Variants in KALRN observed in about 807,000 individuals in gnomAD.
KALRN encodes the protein kalirin.
In KALRN, 70 loss-of-function variants were observed where a neutral mutation model predicts 353.7. The observed-to-expected ratio is 0.20, with a 90% CI of 0.16 to 0.24. The LOEUF (loss-of-function observed/expected upper bound fraction) is 0.24, where lower values mean the gene tolerates loss of function less well. KALRN is among the 10% of genes least tolerant of loss of function. The probability of loss-of-function intolerance (pLI) is 1.00; values close to 1 mark genes in which losing one functional copy is unlikely to be tolerated. For missense variants in KALRN, 2,791 were observed against 3,756.7 expected (o/e 0.74, Z 6.72); for synonymous variants, 1,391 against 1,434.8 (o/e 0.97, Z 0.69).
At chr3:124,552,972 A>G (rs1245255651) in intron 33 of KALRN, among the ~76,000 whole-genome samples, 2 of 151,872 alleles carry the variant, frequency 1.3e-5, no homozygotes, top group African/African-American at 4.8e-5. Flanking sequence ...CACCATGTTG[A>G]CCAGGCTGGT....
At chr3:124,463,009 T>C (rs969146918) in intron 25 of KALRN, among the ~76,000 whole-genome samples, 2 of 152,232 alleles carry the variant, frequency 1.3e-5, no homozygotes, top group Non-Finnish European at 2.9e-5. Flanking sequence ...TTGAATTCCA[T>C]TGAAGTTTTC....
In KALRN at chr3:124,657,511, G is replaced by A. The variant is rs1287328692; in HGVS notation, c.5926G>A (p.Val1976Met). 13 of 1,613,924 alleles carry A rather than the reference G, an allele frequency of 8.1e-6. No homozygotes were observed. The highest frequency in any genetic ancestry group is 6.7e-5 in the Admixed American group (4 of 59,996). Reference protein sequence around the residue: ...PEDMRGKDKIVFGNIHQIYDW... With the variant: ...PEDMRGKDKIMFGNIHQIYDW... ...GGATATGCGAGGAAAGGACAAAATC[G>A]TGTTTGGAAATATTCATCAGATTTA... Residue 1976 changes from valine (V) to methionine (M), a missense_variant, in exon 40 of 60, where the codon GTG becomes ATG. By Grantham distance (21) the Val-to-Met change is conservative. Transcript: ENST00000682506.
chr3:124,464,937 GC>G (rs2060187539), intron 25 of KALRN, among the ~76,000 whole-genome samples: 1 of 151,720 alleles, frequency 6.6e-6, no homozygotes, highest in Non-Finnish European at 1.5e-5. Context: ...CCACCATAGG[GC>G]CCAATACAGC....
intron 34 of KALRN, among the ~76,000 whole-genome samples, chr3:124,622,099 G>A (rs2079338527): frequency 6.6e-6 from 1 of 152,236 alleles, no homozygotes; most frequent in African/African-American, 2.4e-5. Context: ...TCAGACAGAT[G>A]TATTGAAGTA....
chr3:124,540,433 AT>A (rs898128221), intron 33 of KALRN, among the ~76,000 whole-genome samples: 2 of 152,012 alleles, frequency 1.3e-5, no homozygotes, highest in Non-Finnish European at 2.9e-5. Flanking sequence ...TTGGTTTCTC[AT>A]TTGGGAGTTT....
At chr3:124,717,141 C>A in intron 58 of KALRN, 106 bp from the exon 59 acceptor site, 1 of 1,090,038 alleles carries the variant, frequency 9.2e-7, no homozygotes, top group South Asian at 1.9e-5. Flanking sequence ...TCATGTATAA[C>A]AATAAGTATG....
intron 6 of KALRN, among the ~76,000 whole-genome samples, chr3:124,301,151 A>C (rs1407574568): frequency 6.6e-6 from 1 of 152,214 alleles, no homozygotes; most frequent in Non-Finnish European, 1.5e-5. Flanking sequence ...GAAACAGTGA[A>C]CTGCAAAGTT....
rs188514640 is a variant in KALRN at position 124,463,729 on chromosome 3, G to A, written c.4031+1096G>A. On this transcript the variant is annotated intron_variant, in intron 25 of 59. Coordinates refer to ENST00000682506, the MANE Select transcript of KALRN (RefSeq NM_001388419.1). ...ACCAAGAGGCAAGCAAGAATTGGGTGTAAAATGATCCTGGGCTGTAATAGG... is the reference window on the plus strand; with the variant it reads ...ACCAAGAGGCAAGCAAGAATTGGGTATAAAATGATCCTGGGCTGTAATAGG... Among the ~76,000 whole-genome samples, 6 of 152,332 alleles carry A rather than the reference G, an allele frequency of 3.9e-5. No individual in the cohort carries two copies. In the East Asian group the frequency reaches 1.2e-3, roughly 29 times the overall value.
intron 2 of KALRN, among the ~76,000 whole-genome samples, chr3:124,232,309 G>A (rs779415393): frequency 5.9e-5 from 9 of 152,098 alleles, no homozygotes; most frequent in Non-Finnish European, 1.3e-4. Context: ...TGTCATTCTC[G>A]AGAGAAGTTC....
At chr3:124,635,293 G>A (rs1168390244) in intron 36 of KALRN, among the ~76,000 whole-genome samples, 2 of 152,148 alleles carry the variant, frequency 1.3e-5, no homozygotes, top group Admixed American at 6.5e-5. Flanking sequence ...AAGGAGTAGG[G>A]TGCCCATGTC....
chr3:124,213,175 T>C (rs2150524979), intron 1 of KALRN, among the ~76,000 whole-genome samples: 1 of 152,250 alleles, frequency 6.6e-6, no homozygotes, highest in South Asian at 2.1e-4. Flanking sequence ...TAAAAAAATG[T>C]CATTTTAAAG....
At chr3:124,069,514 A>G (rs2149260230) in intron 1 of KALRN, among the ~76,000 whole-genome samples, 1 of 152,304 alleles carries the variant, frequency 6.6e-6, no homozygotes, top group South Asian at 2.1e-4. Flanking sequence ...CTTTCACTTT[A>G]GCAGGGAACA....
intron 33 of KALRN, among the ~76,000 whole-genome samples, chr3:124,505,246 G>T (rs1197667703): frequency 6.6e-6 from 1 of 152,190 alleles, no homozygotes; most frequent in Non-Finnish European, 1.5e-5. Flanking sequence ...TTCTTCAAAA[G>T]TTGAGTTCCA....
intron 34 of KALRN, among the ~76,000 whole-genome samples, chr3:124,568,628 A>G (rs1453285908): frequency 6.6e-6 from 1 of 152,230 alleles, no homozygotes; most frequent in Admixed American, 6.5e-5. Context: ...GGTGAATTGA[A>G]TATATACATA....
intron 1 of KALRN, among the ~76,000 whole-genome samples, chr3:124,122,669 A>G (rs370834833): frequency 6.6e-6 from 1 of 152,182 alleles, no homozygotes; most frequent in African/African-American, 2.4e-5. Context: ...AACCATGCCC[A>G]TATAAAACTG....
chr3:124,340,232 G>A (rs150711180), intron 9 of KALRN, among the ~76,000 whole-genome samples: 104 of 152,302 alleles, frequency 6.8e-4, no homozygotes, highest in African/African-American at 2.5e-3. Flanking sequence ...TTTAAGAAGA[G>A]GTTCTGGGAC....
intron 33 of KALRN, among the ~76,000 whole-genome samples, chr3:124,505,664 C>T (rs755822314): frequency 2.0e-5 from 3 of 152,036 alleles, no homozygotes; most frequent in Non-Finnish European, 2.9e-5. Flanking sequence ...AATCTTTAAG[C>T]GAAAATTTGC....
intron 1 of KALRN, among the ~76,000 whole-genome samples, chr3:124,169,387 A>T (rs2071383851): frequency 6.6e-6 from 1 of 152,134 alleles, no homozygotes; most frequent in Non-Finnish European, 1.5e-5. Flanking sequence ...CCTACAGGGT[A>T]AGGGCTCACA....
intron 59 of KALRN, among the ~76,000 whole-genome samples, chr3:124,718,417 G>A (rs951205175): frequency 1.4e-4 from 21 of 152,194 alleles, no homozygotes; most frequent in Admixed American, 4.6e-4. Context: ...CACCGTGCCC[G>A]GCCTCCCCAT....
Sources: gnomAD v4.1 joint callset for allele counts (sites outside exome capture counted in the v4.1 genomes callset) on GRCh38, gnomAD v4.1.1 for gene constraint, MANE v1.5 for transcripts, NCBI Gene and HGNC (gene_info 2026-07-23, HGNC 2026-07-21) for gene names.